The following SV2C variants were observed in gnomAD, a reference collection of about 807,000 sequenced individuals.
The protein encoded by SV2C is solute carrier family 22 member B3.
SV2C carries 49 observed loss-of-function variants against 79.7 expected under a neutral mutation model. The observed-to-expected ratio is 0.61, with a 90% CI of 0.49 to 0.78. SV2C has a LOEUF of 0.78. SV2C is among the 30% of genes least tolerant of loss of function. The pLI is 0.00. For synonymous variants in SV2C, 334 were observed against 333.2 expected (o/e 1.00, Z -0.03); for missense variants, 833 against 912.9 (o/e 0.91, Z 1.13).
At chr5:75,984,536 C>CCTATCTAT in the SV2C span, among the ~76,000 whole-genome samples, 3,495 of 144,998 alleles carry the variant, frequency 0.024, 47 homozygotes, top group South Asian at 0.041. Context: ...GATCTATCTG[C>CCTATCTAT]CTATCTATCT....
the SV2C span, among the ~76,000 whole-genome samples, chr5:75,977,320 A>T: frequency 1.3e-5 from 2 of 152,182 alleles, no homozygotes; most frequent in African/African-American, 4.8e-5. Context: ...GAGCTGGCAC[A>T]ATAAGGACGT....
chr5:75,880,113 TTCTTTCCC>T, the SV2C span, among the ~76,000 whole-genome samples: 2 of 152,130 alleles, frequency 1.3e-5, no homozygotes, highest in Non-Finnish European at 2.9e-5. Flanking sequence ...CATGAAACCA[TTCTTTCCC>T]CTTAGGCCTC....
At chr5:75,865,466 A>G in the SV2C span, among the ~76,000 whole-genome samples, 11,594 of 152,224 alleles carry the variant, frequency 0.076, 1,237 homozygotes, top group African/African-American at 0.24. Context: ...AGGGTGGAAA[A>G]GGACATCAGT....
the SV2C span, among the ~76,000 whole-genome samples, chr5:76,000,816 T>A: frequency 6.6e-6 from 1 of 152,102 alleles, no homozygotes; most frequent in East Asian, 1.9e-4. Context: ...CTGCATTTAA[T>A]TCCTAAAAGA....
chr5:75,906,585 G>C, the SV2C span, among the ~76,000 whole-genome samples: 2 of 152,156 alleles, frequency 1.3e-5, no homozygotes, highest in Non-Finnish European at 2.9e-5. Context: ...TTAGTTGCAA[G>C]TAACCCCCCA....
chr5:76,244,950 A>G (rs1745899324), intron 4 of SV2C, among the ~76,000 whole-genome samples: 1 of 152,180 alleles, frequency 6.6e-6, no homozygotes, highest in Non-Finnish European at 1.5e-5. Flanking sequence ...AGAGAGTCAA[A>G]GTCTGAATAC....
chr5:76,052,757 A>C, the SV2C span, among the ~76,000 whole-genome samples: 1 of 152,196 alleles, frequency 6.6e-6, no homozygotes, highest in Non-Finnish European at 1.5e-5. Flanking sequence ...CTCCCTTTTG[A>C]AATCTACTTT....
chr5:76,013,161 A>T, the SV2C span, among the ~76,000 whole-genome samples: 12 of 152,294 alleles, frequency 7.9e-5, no homozygotes, highest in South Asian at 2.5e-3. Flanking sequence ...TGGTAGCTTG[A>T]TGGGGATAGC....
intron 2 of SV2C, among the ~76,000 whole-genome samples, chr5:76,175,077 G>T (rs979722335): frequency 1.3e-5 from 2 of 152,196 alleles, no homozygotes; most frequent in African/African-American, 2.4e-5. Flanking sequence ...AGGAGAGGGG[G>T]CATGGTGAGA....
At chr5:76,020,765 A>G in the SV2C span, among the ~76,000 whole-genome samples, 1 of 152,242 alleles carries the variant, frequency 6.6e-6, no homozygotes. Context: ...TGTAAGTGGA[A>G]GTGCTGGGTG....
intron 1 of SV2C, among the ~76,000 whole-genome samples, chr5:76,104,181 C>A (rs1196447565): frequency 1.3e-5 from 2 of 152,140 alleles, no homozygotes; most frequent in Non-Finnish European, 2.9e-5. Context: ...AGATGCCTGC[C>A]TGTATGTGAC....
intron 12 of SV2C, among the ~76,000 whole-genome samples, chr5:76,308,226 G>A (rs1036036943): frequency 2.6e-5 from 4 of 152,146 alleles, no homozygotes; most frequent in Non-Finnish European, 2.9e-5. Flanking sequence ...CCAGGTGGAC[G>A]TAGAAGTCCA....
the SV2C span, among the ~76,000 whole-genome samples, chr5:75,991,972 C>A: frequency 6.6e-6 from 1 of 151,232 alleles, no homozygotes; most frequent in African/African-American, 2.4e-5. Context: ...CAATTTTTTT[C>A]TTGTCCTTTC....
At chr5:76,173,880 G>A (rs762596965) in intron 2 of SV2C, 20 of 1,595,920 alleles carry the variant, frequency 1.3e-5, no homozygotes, top group Middle Eastern at 1.6e-4. Context: ...TCTTTAACTC[G>A]AAGAATCTGT....
chr5:76,035,236 T>TG, the SV2C span, among the ~76,000 whole-genome samples: 1 of 152,024 alleles, frequency 6.6e-6, no homozygotes, highest in South Asian at 2.1e-4. Flanking sequence ...GTTTTTTTTT[T>TG]TGTCTCTATT....
At chr5:75,979,439 C>T in the SV2C span, among the ~76,000 whole-genome samples, 12,472 of 151,196 alleles carry the variant, frequency 0.082, 612 homozygotes, top group South Asian at 0.17. Context: ...TTCTCATAAT[C>T]ACATGGCACT....
chr5:76,240,947 G>T (rs1231732206), intron 4 of SV2C, among the ~76,000 whole-genome samples: 1 of 151,980 alleles, frequency 6.6e-6, no homozygotes, highest in Non-Finnish European at 1.5e-5. Flanking sequence ...CAAACTCCCA[G>T]ATCCCACCCC....
chr5:76,132,714 T>C (rs533753270), intron 2 of SV2C, among the ~76,000 whole-genome samples: 61 of 152,292 alleles, frequency 4.0e-4, no homozygotes, highest in Non-Finnish European at 7.5e-4. Context: ...TTTAACACTT[T>C]TCTAAATACA....
At chr5:76,095,253 C>T (rs995407432) in intron 1 of SV2C, among the ~76,000 whole-genome samples, 1 of 151,998 alleles carries the variant, frequency 6.6e-6, no homozygotes, top group African/African-American at 2.4e-5. Flanking sequence ...GTTCTTGCAT[C>T]CATGTAGTAG....
Sources: gnomAD v4.1 joint callset for allele counts (sites outside exome capture counted in the v4.1 genomes callset) on GRCh38, gnomAD v4.1.1 for gene constraint, MANE v1.5 for transcripts, NCBI Gene and HGNC (gene_info 2026-07-23, HGNC 2026-07-21) for gene names.